The following NUP210 variants were observed in gnomAD, a reference collection of about 807,000 sequenced individuals.
NUP210 encodes nucleoporin 210.
In NUP210, 151 loss-of-function variants were observed where a neutral mutation model predicts 196.0. The ratio of observed to expected loss-of-function variants is 0.77; its 90% CI spans 0.67 to 0.88. The LOEUF is 0.88. Among genes scored for constraint, NUP210 ranks in the 40% least tolerant of loss-of-function variants. The pLI is 0.00. For synonymous variants in NUP210, 1,070 were observed against 1,052.7 expected (o/e 1.02, Z -0.32); for missense variants, 2,314 against 2,493.7 (o/e 0.93, Z 1.53).
In NUP210 at chr3:13,340,449, C is replaced by CCAAT. The variant is rs1445371061; in HGVS notation, c.3229-155_3229-152dup. Reference sequence around the variant, plus strand: ...TGACCAGAGGGCCCAGGGTCCTGGGCCAATGCTGGGGGCTGTCTCCCAGCC... The same window carrying CCAAT: ...TGACCAGAGGGCCCAGGGTCCTGGGCCAATCAATGCTGGGGGCTGTCTCCCAGCC... On this transcript the variant is annotated intron_variant, in intron 23 of 39. Coordinates refer to ENST00000254508, the MANE Select transcript of NUP210 (RefSeq NM_024923.4). The surrounding 1 kb of genome is among the most constrained non-coding windows in gnomAD (Gnocchi z 4.0). 7 of 688,952 alleles carry CCAAT rather than the reference C, an allele frequency of 1.0e-5. No individual in the cohort carries two copies. The Admixed American group carries it at 1.8e-4, about 17-fold the overall frequency. The allele number at this position is 688,952 out of a possible 1,614,324, so 42.7% of individuals were successfully genotyped here.
rs752688331 is a variant in NUP210, at chr3:13,399,756, G to T, written c.273C>A (p.Arg91=). The T allele has an allele frequency of 4.3e-6, 7 of 1,614,146 alleles. No homozygotes were observed. The highest frequency in any genetic ancestry group is 5.9e-6 in the Non-Finnish European group (7 of 1,180,012). The change falls in exon 2 of 40, where the codon CGC becomes CGA. Residue 91 remains arginine, a synonymous_variant. Coordinates refer to ENST00000254508, the MANE Select transcript of NUP210 (RefSeq NM_024923.4). ...CCTCTGCGAAGATGATGCTGGTGAG[G>T]CGGGCAGGCTGGGTCAGGCGGGCCT... The part of the protein sequence containing the change: ...VVQARLTQPA[R]LTSIIFAEDI...
At chr3:13,357,119 G>A (rs1223702956) in intron 16 of NUP210, among the ~76,000 whole-genome samples, 1 of 152,196 alleles carries the variant, frequency 6.6e-6, no homozygotes, top group Non-Finnish European at 1.5e-5. Context: ...CTCCACCCAC[G>A]AGTCTGCAAG....
In NUP210 at chr3:13,400,415, G is replaced by A. The variant is rs989798724; in HGVS notation, c.168-554C>T. Reference sequence around the variant, plus strand: ...GCGGAGCGGATATTATAGCCACAGTGGGGAGACAGACAGATAAACACATCC... The same window carrying A: ...GCGGAGCGGATATTATAGCCACAGTAGGGAGACAGACAGATAAACACATCC... On this transcript the variant is annotated intron_variant, in intron 1 of 39. Coordinates refer to ENST00000254508, the MANE Select transcript of NUP210 (RefSeq NM_024923.4). Among the ~76,000 whole-genome samples, 3 of 152,218 alleles carry A rather than the reference G, an allele frequency of 2.0e-5. No individual in the cohort carries two copies. The South Asian group carries it at 6.2e-4, about 32-fold the overall frequency.
intron 27 of NUP210, among the ~76,000 whole-genome samples, chr3:13,335,947 G>A (rs904068140): frequency 1.3e-5 from 2 of 152,372 alleles, no homozygotes; most frequent in Admixed American, 6.5e-5. Context: ...CACCCAGAGC[G>A]ATGCTGGGTT....
intron 1 of NUP210, among the ~76,000 whole-genome samples, chr3:13,406,838 AC>A (rs946143252): frequency 7.6e-5 from 10 of 132,180 alleles, no homozygotes; most frequent in South Asian, 2.8e-4. Context: ...CTCTGCCCCA[AC>A]CCCCCCCACC....
chr3:13,358,180 G>A lies in NUP210; in HGVS notation c.2328+42C>T, dbSNP rs777454313. 1.9e-5 allele frequency: 30 copies of A among 1,555,016 alleles called. 1 individual carries two copies. Among genetic ancestry groups the A allele is most frequent in the South Asian group, 3.5e-5 (3 of 85,404 alleles). On this transcript the variant is annotated intron_variant, in intron 16 of 39. Coordinates refer to ENST00000254508, the MANE Select transcript of NUP210 (RefSeq NM_024923.4). ...GCCACCAATGTCCTCCTGCCCAAGC[G>A]GGTGGCACCCTCACCTCCTCCCGAG...
At chr3:13,326,993 A>G (rs556194185) in intron 32 of NUP210, among the ~76,000 whole-genome samples, 1 of 152,390 alleles carries the variant, frequency 6.6e-6, no homozygotes, top group East Asian at 1.9e-4. Context: ...CTGACCATAC[A>G]TAATGCATGG....
At chr3:13,385,582 G>A (rs1399364120) in intron 6 of NUP210, among the ~76,000 whole-genome samples, 1 of 152,242 alleles carries the variant, frequency 6.6e-6, no homozygotes, top group East Asian at 1.9e-4. Flanking sequence ...GAAGGGCAGT[G>A]GCTTGTCCAA....
At chr3:13,415,512 G>A (rs1158144261) in intron 1 of NUP210, among the ~76,000 whole-genome samples, 2 of 152,204 alleles carry the variant, frequency 1.3e-5, no homozygotes, top group Non-Finnish European at 2.9e-5. Flanking sequence ...GCCTAGGTGT[G>A]TGGGGATGCA....
intron 20 of NUP210, among the ~76,000 whole-genome samples, chr3:13,349,131 T>C (rs886551748): frequency 6.8e-6 from 1 of 147,156 alleles, no homozygotes; most frequent in Non-Finnish European, 1.5e-5. Flanking sequence ...GAAGAAGCAT[T>C]TATTGGAGAA....
At chr3:13,343,778 C>T (rs1286934748) in intron 20 of NUP210, among the ~76,000 whole-genome samples, 3 of 152,164 alleles carry the variant, frequency 2.0e-5, no homozygotes, top group African/African-American at 7.2e-5. Flanking sequence ...TGTGAAACCG[C>T]AAGTCAGGGG....
At chr3:13,332,503 T>C (rs1274147275) in intron 28 of NUP210, 119 bp from the exon 29 acceptor site, 3 of 750,742 alleles carry the variant, frequency 4.0e-6, no homozygotes, top group Non-Finnish European at 6.9e-6. Flanking sequence ...AAAGCGGCTT[T>C]CTCGTCTGTC....
At chr3:13,368,974 C>T (rs954786282) in intron 13 of NUP210, among the ~76,000 whole-genome samples, 6 of 152,238 alleles carry the variant, frequency 3.9e-5, no homozygotes, top group African/African-American at 1.4e-4. Flanking sequence ...CTGGATCATA[C>T]GGTAACTCCA....
intron 12 of NUP210, among the ~76,000 whole-genome samples, chr3:13,372,479 G>C (rs571522987): frequency 1.3e-5 from 2 of 152,288 alleles, no homozygotes; most frequent in African/African-American, 4.8e-5. Flanking sequence ...TCTGTGTACC[G>C]ATCAGCAGCC....
intron 13 of NUP210, among the ~76,000 whole-genome samples, chr3:13,368,141 T>C (rs538824770): frequency 3.9e-5 from 6 of 152,302 alleles, no homozygotes; most frequent in Non-Finnish European, 7.4e-5. Flanking sequence ...AGTGGCACAA[T>C]CTTGGCTCAC....
chr3:13,328,414 C>T (rs557117169), intron 31 of NUP210, among the ~76,000 whole-genome samples: 1 of 152,376 alleles, frequency 6.6e-6, no homozygotes, highest in African/African-American at 2.4e-5. Context: ...ACCCCTGACA[C>T]CTGTCTTTGA....
rs746120766 is a variant in NUP210 at position 13,358,285 on chromosome 3, C to T, written c.2265G>A (p.Ala755=). The change falls in exon 16 of 40, where the codon GCG becomes GCA. Residue 755 remains alanine (A), a synonymous_variant. Transcript: ENST00000254508. The stretch of plus-strand genomic sequence containing the variant: ...CCAGCTGGGGGCTGGTGTAGACAGG[C>T]GCGAGGGTGAGCCTGGACGGTGGGG... ...VCAPPSRLTL[A]PVYTSPQLDM... is the part of the protein sequence containing the mutation. 40 of 1,613,666 alleles carry T rather than the reference C, an allele frequency of 2.5e-5. No homozygotes were observed. The highest frequency in any genetic ancestry group is 6.7e-5 in the East Asian group (3 of 44,872).
intron 16 of NUP210, among the ~76,000 whole-genome samples, chr3:13,357,637 C>G (rs1461036708): frequency 2.0e-5 from 3 of 152,148 alleles, no homozygotes; most frequent in Non-Finnish European, 4.4e-5. Flanking sequence ...ACCTTGGGCT[C>G]TGAATGCCCT....
chr3:13,372,877 G>C lies in NUP210; in HGVS notation c.1587+841C>G, dbSNP rs1698778949. On this transcript the variant is annotated intron_variant, in intron 12 of 39. Transcript: ENST00000254508. ...TCCTCAGGATCTGGCTGGGCTGCTG[G>C]GCGAACAGTGGCACAAGGGGAAACT... Among the ~76,000 whole-genome samples the C allele has an allele frequency of 4.6e-5, 7 of 152,192 alleles. No homozygotes were observed. In the South Asian group the frequency reaches 1.4e-3, roughly 31 times the overall value.
Sources: gnomAD v4.1 joint callset for allele counts (sites outside exome capture counted in the v4.1 genomes callset) on GRCh38, gnomAD v4.1.1 for gene constraint, Gnocchi (gnomAD v3.1) non-coding constraint, MANE v1.5 for transcripts, NCBI Gene and HGNC (gene_info 2026-07-23, HGNC 2026-07-21) for gene names.